The following NDUFV1 variants were observed in gnomAD, a reference collection of about 807,000 sequenced individuals.
The protein encoded by NDUFV1 is NADH:ubiquinone oxidoreductase core subunit V1, also known as NADH dehydrogenase [ubiquinone] flavoprotein 1, mitochondrial.
NDUFV1 carries 41 observed loss-of-function variants against 48.7 expected under a neutral mutation model. The ratio of observed to expected loss-of-function variants is 0.84; its 90% confidence interval spans 0.66 to 1.09. The LOEUF (loss-of-function observed/expected upper bound fraction) is 1.09. NDUFV1 is among the 50% of genes least tolerant of loss of function. The pLI is 0.00. For missense variants in NDUFV1, 580 were observed against 645.4 expected (o/e 0.90, Z 1.10); for synonymous variants, 231 against 259.1 (o/e 0.89, Z 1.04).
At chr11:67,608,356 C>T (rs370640043) in intron 1 of NDUFV1, 40 bp from the exon 2 acceptor site, 106 of 1,575,714 alleles carry the variant, frequency 6.7e-5, no homozygotes, top group African/African-American at 2.7e-4. Flanking sequence ...CCCTCATGGC[C>T]CCAGAGCACT....
chr11:67,608,806 C>A, intron 3 of NDUFV1, 84 bp downstream of exon 3: 1 of 1,584,078 alleles, frequency 6.3e-7, no homozygotes, highest in Non-Finnish European at 8.6e-7. Context: ...TGGGCTCTTT[C>A]CTTAGAAACT....
chr11:67,610,341 G>T, intron 4 of NDUFV1, 40 bp from the exon 5 acceptor site: 1 of 1,586,598 alleles, frequency 6.3e-7, no homozygotes, highest in South Asian at 1.1e-5. Flanking sequence ...TGACTCCTGG[G>T]CTGGGGGTGG....
Position 67,611,670 on chromosome 11 carries a change from C to T in NDUFV1, c.1080+101C>T, listed in dbSNP as rs768743657. 9.9e-6 allele frequency: 15 copies of T among 1,510,166 alleles called. No homozygotes were observed. Among genetic ancestry groups the T allele is most frequent in the Middle Eastern group, 2.0e-4 (1 of 4,910 alleles). The allele number at this position is 1,510,166 out of a possible 1,614,324, so 93.5% of individuals were successfully genotyped here. On this transcript the variant is annotated intron_variant, in intron 7 of 9. Transcript: ENST00000322776. This position sits in a 1 kb window ranked among gnomAD's most constrained non-coding sequence, Gnocchi z 4.2. The stretch of plus-strand genomic sequence containing the variant: ...TCTTGCCAGCACTCAGGTCTCAGTT[C>T]CTGCAGCCTGAGATAAAGCAAGGTG...
In NDUFV1 at chr11:67,611,965, C is replaced by A. The variant is rs749238503; in HGVS notation, c.1149C>A (p.Thr383=). The A allele has an allele frequency of 6.2e-7, 1 of 1,613,952 alleles. No individual in the cohort carries two copies. Among genetic ancestry groups the A allele is most frequent in the African/African-American group, 1.3e-5 (1 of 74,980 alleles). The part of the protein sequence containing the change: ...FYKHESCGQC[T]PCREGVDWMN... Reference sequence around the variant, plus strand: ...AGCACGAGAGCTGTGGCCAGTGTACCCCATGCCGTGAGGGTGAGCATCGGG... The same window carrying A: ...AGCACGAGAGCTGTGGCCAGTGTACACCATGCCGTGAGGGTGAGCATCGGG... The change falls in exon 8 of 10, where the codon ACC becomes ACA. Residue 383 remains threonine (T), a synonymous_variant. Transcript: ENST00000322776. The surrounding 1 kb of genome is among the most constrained non-coding windows in gnomAD (Gnocchi z 4.2).
rs10896187 is a variant in NDUFV1, at chr11:67,610,419, C to A, written c.549C>A (p.Gly183=). 1 of 1,614,096 alleles carries A rather than the reference C, an allele frequency of 6.2e-7. No homozygotes were observed. Among genetic ancestry groups the A allele is most frequent in the Non-Finnish European group, 8.5e-7 (1 of 1,180,028 alleles). The change falls in exon 5 of 10, where the codon GGC becomes GGA. Residue 183 remains glycine (G), a synonymous_variant. Transcript: ENST00000322776. ...IREAYEAGLI[G]KNACGSGYDF... is the part of the protein sequence containing the mutation. Reference sequence around the variant, plus strand: ...AGGCCTATGAGGCAGGTCTGATTGGCAAGAATGCTTGTGGCTCTGGCTATG... The same window carrying A: ...AGGCCTATGAGGCAGGTCTGATTGGAAAGAATGCTTGTGGCTCTGGCTATG...
At position 67,609,930 on chromosome 11, in the gene NDUFV1, C is replaced by T. The variant is rs904804870; in HGVS notation, c.510+295C>T. ...TGGAACTATGTGTTTAGCAAGAGAG[C>T]GGAATAATTATGAATATAAACAATT... On this transcript the variant is annotated intron_variant, in intron 4 of 9. Transcript: ENST00000322776. The T allele has an allele frequency of 1.0e-5, 4 of 399,564 alleles. No individual in the cohort carries two copies. The Admixed American group carries it at 1.2e-4, about 12-fold the overall frequency. 24.8% of individuals were successfully genotyped at this position (399,564 alleles called of 1,614,324 possible).
rs371709474 is a variant in NDUFV1, at chr11:67,610,975, C to G, written c.701-20C>G. Reference sequence around the variant, plus strand: ...CCCCACCCCCTAGCAGCCACCAGTTCTCTTCCCATTTCCCTGAAGGAGTGT... The same window carrying G: ...CCCCACCCCCTAGCAGCCACCAGTTGTCTTCCCATTTCCCTGAAGGAGTGT... On this transcript the variant is annotated intron_variant, in intron 5 of 9. Transcript: ENST00000322776. 4.7e-5 allele frequency: 76 copies of G among 1,613,634 alleles called. No homozygotes were observed. The highest frequency in any genetic ancestry group is 6.1e-5 in the Non-Finnish European group (72 of 1,179,694).
chr11:67,611,278 G>A lies in NDUFV1; in HGVS notation c.913+71G>A. ...GCAGGTGTCCACAAAGAGAGCCTGGGCGGGAGGGCTCAGGAGACGGGGCTG... is the reference window on the plus strand; with the variant it reads ...GCAGGTGTCCACAAAGAGAGCCTGGACGGGAGGGCTCAGGAGACGGGGCTG... On this transcript the variant is annotated intron_variant, in intron 6 of 9. Transcript: ENST00000322776. This position sits in a 1 kb window ranked among gnomAD's most constrained non-coding sequence, Gnocchi z 4.2. 2 of 1,599,026 alleles carry A rather than the reference G, an allele frequency of 1.3e-6. No homozygotes were observed. Among genetic ancestry groups the A allele is most frequent in the Non-Finnish European group, 1.7e-6 (2 of 1,169,308 alleles).
intron 3 of NDUFV1, among the ~76,000 whole-genome samples, chr11:67,609,243 G>A (rs980512183): frequency 1.3e-5 from 2 of 152,140 alleles, no homozygotes; most frequent in Non-Finnish European, 2.9e-5. Flanking sequence ...CTTTCTTGTG[G>A]TCATAGCCAC....
chr11:67,608,907 T>A (rs1854860490), intron 3 of NDUFV1, among the ~76,000 whole-genome samples, 185 bp downstream of exon 3: 1 of 152,194 alleles, frequency 6.6e-6, no homozygotes, highest in South Asian at 2.1e-4. Context: ...TGTAGCAGAA[T>A]CAACACATGA....
At position 67,608,714 on chromosome 11, in the gene NDUFV1, A is replaced by G; in HGVS notation, c.318A>G (p.Ser106=). 6.2e-7 allele frequency: 1 copy of G among 1,613,938 alleles called. No individual in the cohort carries two copies. Among genetic ancestry groups the G allele is most frequent in the Non-Finnish European group, 8.5e-7 (1 of 1,179,922 alleles). Residue 106 remains serine, a synonymous_variant, in exon 3 of 10, where the codon TCA becomes TCG. Coordinates refer to ENST00000322776, the MANE Select transcript of NDUFV1 (RefSeq NM_007103.4). ...AGTGGAGCTTCATGAATAAGCCCTC[A>G]GATGGCAGGTGTGTGTGTGGGGGCG... ...GLKWSFMNKP[S]DGRPKYLVVN... is the part of the protein sequence containing the mutation.
chr11:67,607,344 T>G (rs1191718062), intron 1 of NDUFV1: 1 of 656,004 alleles, frequency 1.5e-6, no homozygotes, highest in Non-Finnish European at 2.8e-6. Context: ...ACCCCTAGTC[T>G]TTCATTCTCT....
Position 67,608,385 on chromosome 11 carries a change from T to C in NDUFV1, c.73-11T>C. 1.2e-6 allele frequency: 2 copies of C among 1,613,064 alleles called. No individual in the cohort carries two copies. The highest frequency in any genetic ancestry group is 1.7e-6 in the Non-Finnish European group (2 of 1,179,086). On this transcript the variant is annotated splice_polypyrimidine_tract_variant and intron_variant, in intron 1 of 9. Coordinates refer to ENST00000322776, the MANE Select transcript of NDUFV1 (RefSeq NM_007103.4). ...GAGCACTCTGGGCCTCCTGACCCTTTGTCTCCCTAGACAGCACCCAAGAAA... is the reference window on the plus strand; with the variant it reads ...GAGCACTCTGGGCCTCCTGACCCTTCGTCTCCCTAGACAGCACCCAAGAAA...
intron 1 of NDUFV1, among the ~76,000 whole-genome samples, chr11:67,607,929 C>T (rs1035546098): frequency 6.6e-6 from 1 of 152,216 alleles, no homozygotes; most frequent in Non-Finnish European, 1.5e-5. Flanking sequence ...ACCTGCTAAA[C>T]AAAATGCTTA....
Position 67,611,635 on chromosome 11 carries a change from C to A in NDUFV1, c.1080+66C>A. 6.4e-7 allele frequency: 1 copy of A among 1,564,158 alleles called. No homozygotes were observed. The highest frequency in any genetic ancestry group is 1.4e-5 in the African/African-American group (1 of 73,814). ...TTGCTGTCTCCCTCCCTGGGCCTCC[C>A]AGAAAACCCTCTTGCCAGCACTCAG... On this transcript the variant is annotated intron_variant, in intron 7 of 9. Transcript: ENST00000322776. The surrounding 1 kb of genome is among the most constrained non-coding windows in gnomAD (Gnocchi z 4.2).
rs886048587 is a variant in NDUFV1 at position 67,608,614 on chromosome 11, C to T, written c.218C>T (p.Pro73Leu). 1.2e-6 allele frequency: 2 copies of T among 1,614,128 alleles called. No individual in the cohort carries two copies. Among genetic ancestry groups the T allele is most frequent in the East Asian group, 4.5e-5 (2 of 44,886 alleles). The change falls in exon 3 of 10, where the codon CCC becomes CTC. Residue 73 changes from proline to leucine, a missense_variant. Coordinates refer to ENST00000322776, the MANE Select transcript of NDUFV1 (RefSeq NM_007103.4). The part of the protein sequence containing the change: ...YKTKEILLKG[P>L]DWILGEIKTS... ...ACAAAGGAGATCCTGCTGAAGGGGC[C>T]CGACTGGATCCTGGGCGAGATCAAG... is the stretch of plus-strand genomic sequence containing the variant.
Position 67,608,688 on chromosome 11 carries a change from A to G in NDUFV1, c.292A>G (p.Lys98Glu). The part of the protein sequence containing the change: ...RGGAGFPTGL[K>E]WSFMNKPSDG... ...AGGCGCTGGCTTCCCCACTGGCCTC[A>G]AGTGGAGCTTCATGAATAAGCCCTC... Residue 98 changes from lysine to glutamate, a missense_variant, in exon 3 of 10, where the codon AAG (lysine) becomes GAG (glutamate). Lys to Glu is a moderately conservative substitution (Grantham distance 56, BLOSUM62 1). Transcript: ENST00000322776. The G allele has an allele frequency of 6.2e-7, 1 of 1,614,008 alleles. No homozygotes were observed. The highest frequency in any genetic ancestry group is 8.5e-7 in the Non-Finnish European group (1 of 1,179,882).
rs529175592 is a variant in NDUFV1 at position 67,610,720 on chromosome 11, C to T, written c.700+150C>T. 21 of 1,117,482 alleles carry T rather than the reference C, an allele frequency of 1.9e-5. No homozygotes were observed. In the South Asian group the frequency reaches 2.2e-4, roughly 12 times the overall value. 69.2% of individuals were successfully genotyped at this position (1,117,482 alleles called of 1,614,324 possible). On this transcript the variant is annotated intron_variant, in intron 5 of 9. Coordinates refer to ENST00000322776, the MANE Select transcript of NDUFV1 (RefSeq NM_007103.4). The stretch of plus-strand genomic sequence containing the variant: ...GCTGGCAACAACACACAGGCTCCCC[C>T]AGGGCCGCCTGCTGTCCCTCCTCCT...
chr11:67,608,476 G>A lies in NDUFV1; in HGVS notation c.153G>A (p.Trp51Ter), dbSNP rs761259319. 9 of 1,614,188 alleles carry A rather than the reference G, an allele frequency of 5.6e-6. No homozygotes were observed. The highest frequency in any genetic ancestry group is 6.8e-6 in the Non-Finnish European group (8 of 1,180,030). ...CCAACCTGTACGGCCGCCATGACTG[G>A]AGGTGAGACAGTGCCCTTAGTGTGT... ...IFTNLYGRHD[W>*]RLKGSLSRGD... Residue 51 changes from tryptophan (W) to a stop codon, truncating the protein, a stop_gained and splice_region_variant, in exon 2 of 10, where the codon TGG (tryptophan) becomes TGA (stop). Transcript: ENST00000322776. LOFTEE classifies it high-confidence loss of function.
Sources: gnomAD v4.1 joint callset for allele counts (sites outside exome capture counted in the v4.1 genomes callset) on GRCh38, gnomAD v4.1.1 for gene constraint, Gnocchi (gnomAD v3.1) non-coding constraint, MANE v1.5 for transcripts, NCBI Gene and HGNC (gene_info 2026-07-23, HGNC 2026-07-21) for gene names.